Variants in TTC6 observed in about 807,000 individuals in gnomAD.
The protein encoded by TTC6 is tetratricopeptide repeat protein 6.
A neutral mutation model predicts 210.4 loss-of-function variants in TTC6; 172 were observed. That is an observed-to-expected ratio of 0.82 (90% CI 0.72 to 0.93). The LOEUF is 0.93. Ranked by LOEUF, TTC6 falls within the 40% of genes least tolerant of loss-of-function variation. TTC6 has a pLI of 0.00. For missense variants in TTC6, 2,414 were observed against 2,318.1 expected (o/e 1.04, Z -0.85); for synonymous variants, 804 against 819.6 (o/e 0.98, Z 0.32).
At chr14:37,663,222 A>G (rs1213350231) in intron 1 of TTC6, among the ~76,000 whole-genome samples, 1 of 151,922 alleles carries the variant, frequency 6.6e-6, no homozygotes, top group African/African-American at 2.4e-5. Context: ...TGATTTTTGT[A>G]CATTCCTGGT....
chr14:37,761,572 G>A (rs557896338), intron 14 of TTC6, among the ~76,000 whole-genome samples: 1 of 152,070 alleles, frequency 6.6e-6, no homozygotes, highest in South Asian at 2.1e-4. Flanking sequence ...CCATCATCAG[G>A]TCATTTCCAA....
intron 14 of TTC6, among the ~76,000 whole-genome samples, chr14:37,773,512 G>A (rs773103790): frequency 8.5e-5 from 13 of 152,242 alleles, no homozygotes; most frequent in East Asian, 7.7e-4. Context: ...ATTAAACAGG[G>A]AGTCCTTTTC....
At chr14:37,782,402 G>A (rs1330903142) in intron 14 of TTC6, among the ~76,000 whole-genome samples, 4 of 152,146 alleles carry the variant, frequency 2.6e-5, no homozygotes, top group Admixed American at 2.0e-4. Flanking sequence ...GTGAATGGGA[G>A]TTCACTCATG....
At chr14:37,839,181 CA>C (rs894012212) in intron 29 of TTC6, among the ~76,000 whole-genome samples, 12 of 152,132 alleles carry the variant, frequency 7.9e-5, no homozygotes, top group African/African-American at 2.9e-4. Flanking sequence ...ATTGCTGGGT[CA>C]AATGGTATTT....
rs537352127 is a variant in TTC6 at position 37,791,770 on chromosome 14, C to T, written c.3558-494C>T. Among the ~76,000 whole-genome samples, 4 of 152,238 alleles carry T rather than the reference C, an allele frequency of 2.6e-5. No individual in the cohort carries two copies. The South Asian group carries it at 8.3e-4, about 32-fold the overall frequency. ...GATAATTTCTAAGGTTATTTCTCTA[C>T]TGAAAATCAGTTGATTTTAAGAGAG... On this transcript the variant is annotated intron_variant, in intron 16 of 30. Transcript: ENST00000553443.
At chr14:37,607,627 T>TTG (rs2095627525) in intron 2 of TTC6, among the ~76,000 whole-genome samples, 1 of 152,012 alleles carries the variant, frequency 6.6e-6, no homozygotes, top group Non-Finnish European at 1.5e-5. Flanking sequence ...CTTTTTTTTT[T>TTG]TTTTTCTTTT....
intron 10 of TTC6, among the ~76,000 whole-genome samples, chr14:37,742,169 G>T (rs924366406): frequency 1.3e-5 from 2 of 152,108 alleles, no homozygotes; most frequent in Non-Finnish European, 2.9e-5. Context: ...TTTGCCAATG[G>T]CGTTCCTATC....
At chr14:37,628,339 T>A (rs2095663938) in intron 1 of TTC6, among the ~76,000 whole-genome samples, 1 of 152,240 alleles carries the variant, frequency 6.6e-6, no homozygotes, top group Non-Finnish European at 1.5e-5. Flanking sequence ...GTGGTTTTGA[T>A]TTGTATTTCT....
At chr14:37,619,588 T>G (rs2139287035), upstream of TTC6, among the ~76,000 whole-genome samples, 1 of 152,312 alleles carries the variant, frequency 6.6e-6, no homozygotes, top group African/African-American at 2.4e-5. Flanking sequence ...TCAGCACAAT[T>G]TATTGAAAAA....
chr14:37,765,390 A>G (rs945504944), intron 14 of TTC6, among the ~76,000 whole-genome samples: 3 of 145,924 alleles, frequency 2.1e-5, no homozygotes, highest in African/African-American at 7.6e-5. Context: ...TTTGTAACCC[A>G]GGTTAGTTTC....
intron 1 of TTC6, among the ~76,000 whole-genome samples, chr14:37,624,463 C>CAACTG (rs2095656745): frequency 6.6e-6 from 1 of 151,974 alleles, no homozygotes; most frequent in Non-Finnish European, 1.5e-5. Flanking sequence ...CCAGAGGTCC[C>CAACTG]GTACAGTTGA....
At chr14:37,622,411 G>A (rs1248420213) in exon 1 of TTC6, 1 of 1,534,438 alleles carries the variant, frequency 6.5e-7, no homozygotes, top group Non-Finnish European at 8.7e-7. Context: ...CGGTCGTTTC[G>A]CCCCCGGGAC....
At chr14:37,659,763 C>T (rs532252295) in intron 1 of TTC6, among the ~76,000 whole-genome samples, 12 of 152,142 alleles carry the variant, frequency 7.9e-5, no homozygotes, top group Non-Finnish European at 1.6e-4. Flanking sequence ...TCAGGTGATC[C>T]GCCCACCTTG....
At chr14:37,609,146 CAGTGGCTTG>C (rs879347179) in intron 2 of TTC6, among the ~76,000 whole-genome samples, 4 of 152,158 alleles carry the variant, frequency 2.6e-5, no homozygotes, top group African/African-American at 4.8e-5. Context: ...CTGCCAGGCA[CAGTGGCTTG>C]TGCATGTAAC....
chr14:37,675,116 A>G (rs373371783), intron 1 of TTC6, among the ~76,000 whole-genome samples: 2 of 152,026 alleles, frequency 1.3e-5, no homozygotes, highest in African/African-American at 2.4e-5. Context: ...ACAGTACACA[A>G]TTCAGTGGCA....
intron 6 of TTC6, among the ~76,000 whole-genome samples, chr14:37,717,422 C>G (rs569998282): frequency 9.9e-5 from 15 of 152,246 alleles, no homozygotes; most frequent in African/African-American, 3.6e-4. Flanking sequence ...ATGAACAACT[C>G]TACACATGCA....
At chr14:37,682,949 G>A in exon 3 of TTC6, 5 of 1,535,462 alleles carry the variant, frequency 3.3e-6, no homozygotes, top group Non-Finnish European at 4.4e-6. Context: ...AAGAAGCCAA[G>A]TGGGTGTCTT....
At chr14:37,642,646 C>A (rs1566859103) in intron 1 of TTC6, among the ~76,000 whole-genome samples, 1 of 152,180 alleles carries the variant, frequency 6.6e-6, no homozygotes, top group African/African-American at 2.4e-5. Flanking sequence ...GGAAGAAGAG[C>A]TACTTTGACT....
At chr14:37,649,775 C>G (rs184253001) in intron 1 of TTC6, among the ~76,000 whole-genome samples, 21 of 152,238 alleles carry the variant, frequency 1.4e-4, no homozygotes, top group Admixed American at 2.6e-4. Context: ...GAGATGGAGT[C>G]TCAGGGAAGT....
Sources: gnomAD v4.1 joint callset for allele counts (sites outside exome capture counted in the v4.1 genomes callset) on GRCh38, gnomAD v4.1.1 for gene constraint, MANE v1.5 for transcripts, NCBI Gene and HGNC (gene_info 2026-07-23, HGNC 2026-07-21) for gene names.